RGMB: variants seen among roughly 807,000 people sequenced by gnomAD.
RGMB encodes the protein repulsive guidance molecule BMP co-receptor b.
A neutral mutation model predicts 26.9 loss-of-function variants in RGMB; 16 were observed. That is an observed-to-expected ratio of 0.60 (90% CI 0.40 to 0.90). The LOEUF is 0.90. Ranked by LOEUF, RGMB falls within the 40% of genes least tolerant of loss-of-function variation. The pLI is 0.00. For missense variants in RGMB, 512 were observed against 573.3 expected, an observed-to-expected ratio of 0.89 and a Z score of 1.09; for synonymous variants, 225 against 229.3, an observed-to-expected ratio of 0.98 and a Z score of 0.17.
chr5:98,779,299 G>T (rs552791103), intron 1 of RGMB, among the ~76,000 whole-genome samples: 1 of 152,272 alleles, frequency 6.6e-6, no homozygotes, highest in Admixed American at 6.5e-5. Flanking sequence ...CTATTCCCTT[G>T]TAATCTCAAC....
upstream of RGMB, chr5:98,770,330 G>A (rs997568562): frequency 6.0e-6 from 2 of 336,016 alleles, no homozygotes; most frequent in Admixed American, 9.6e-5. Flanking sequence ...GCTGGCTAAT[G>A]AGAGGTTAAT....
At chr5:98,785,369 C>T (rs1187688737) in intron 2 of RGMB, among the ~76,000 whole-genome samples, 1 of 152,136 alleles carries the variant, frequency 6.6e-6, no homozygotes, top group Non-Finnish European at 1.5e-5. Context: ...TTCACATTGA[C>T]AAGCTGGTTC....
intron 2 of RGMB, among the ~76,000 whole-genome samples, chr5:98,782,039 A>T (rs1375196329): frequency 6.6e-6 from 1 of 152,254 alleles, no homozygotes; most frequent in Non-Finnish European, 1.5e-5. Flanking sequence ...ATTCAAGTAG[A>T]TGATGAGAAT....
intron 2 of RGMB, among the ~76,000 whole-genome samples, chr5:98,789,620 G>A (rs968782379): frequency 6.6e-6 from 1 of 152,172 alleles, no homozygotes; most frequent in Non-Finnish European, 1.5e-5. Flanking sequence ...AATAAACCTT[G>A]TGGGTGGTGA....
At chr5:98,787,138 A>T (rs1276492429) in intron 2 of RGMB, among the ~76,000 whole-genome samples, 2 of 152,158 alleles carry the variant, frequency 1.3e-5, no homozygotes, top group South Asian at 2.1e-4. Context: ...AGACATAAAG[A>T]TATTGTTTTG....
In RGMB at chr5:98,774,152, C is replaced by A; in HGVS notation, c.82C>A (p.Pro28Thr). The A allele has an allele frequency of 6.7e-7, 1 of 1,498,056 alleles. No homozygotes were observed. Among genetic ancestry groups the A allele is most frequent in the South Asian group, 1.2e-5 (1 of 80,188 alleles). 92.8% of individuals were successfully genotyped at this position (1,498,056 alleles called of 1,614,324 possible). ...EQRRSPGLCP[P>T]PLELLLLLLF... ...GCGCCGCAGCCCCGGGCTCTGCCCC[C>A]CGCCGCTGGAGCTGCTGCTGCTGCT... Residue 28 changes from proline to threonine, a missense_variant, in exon 1 of 3, where the codon CCG becomes ACG. Coordinates refer to ENST00000513185, the MANE Select transcript of RGMB (RefSeq NM_001366508.1).
intron 2 of RGMB, among the ~76,000 whole-genome samples, chr5:98,789,261 G>A (rs1002761111): frequency 3.9e-5 from 6 of 152,176 alleles, no homozygotes; most frequent in Non-Finnish European, 7.3e-5. Context: ...CACTCACAGT[G>A]CCAAATGGCC....
At chr5:98,786,306 T>C (rs1746765531) in intron 2 of RGMB, among the ~76,000 whole-genome samples, 1 of 152,176 alleles carries the variant, frequency 6.6e-6, no homozygotes, top group Admixed American at 6.5e-5. Flanking sequence ...CAAGATTCCG[T>C]GAGGGTGCTA....
chr5:98,774,672 C>T (rs879911977), intron 1 of RGMB, among the ~76,000 whole-genome samples: 14 of 152,180 alleles, frequency 9.2e-5, no homozygotes, highest in Admixed American at 3.9e-4. Context: ...GGAAGTACAC[C>T]AGATGGAAAG....
chr5:98,776,311 A>T (rs533247320), intron 1 of RGMB, among the ~76,000 whole-genome samples: 1 of 152,376 alleles, frequency 6.6e-6, no homozygotes, highest in South Asian at 2.1e-4. Flanking sequence ...CAGAGTTTTA[A>T]TTCTGCCCTT....
intron 1 of RGMB, among the ~76,000 whole-genome samples, chr5:98,774,727 C>T (rs1472785586): frequency 1.3e-5 from 2 of 152,160 alleles, no homozygotes; most frequent in African/African-American, 2.4e-5. Context: ...CTCGAAGTAA[C>T]GTCAACTTTT....
chr5:98,773,150 C>G (rs1259338022), upstream of RGMB: 3 of 152,176 alleles, frequency 2.0e-5, no homozygotes, highest in East Asian at 3.9e-4. Context: ...GAAAGGGGAC[C>G]TGCCGCGCGG....
At chr5:98,776,607 A>G (rs1746410250) in intron 1 of RGMB, among the ~76,000 whole-genome samples, 1 of 152,180 alleles carries the variant, frequency 6.6e-6, no homozygotes, top group South Asian at 2.1e-4. Context: ...CAAATTAGTC[A>G]TTATATAGAA....
chr5:98,779,507 A>G (rs185477257), intron 1 of RGMB, 73 bp from the exon 2 acceptor site: 159 of 1,384,746 alleles, frequency 1.1e-4, no homozygotes, highest in African/African-American at 1.4e-5. Context: ...CCAAAGAACA[A>G]TGTGATTTTC....
chr5:98,770,242 G>A (rs561137486), upstream of RGMB: 2 of 167,446 alleles, frequency 1.2e-5, no homozygotes, highest in Non-Finnish European at 2.5e-5. Flanking sequence ...CAAGACCGGC[G>A]GCTGCGTTTG....
Position 98,793,260 on chromosome 5 carries a change from G to A in RGMB, c.821G>A (p.Arg274His), listed in dbSNP as rs373616601. The A allele has an allele frequency of 7.7e-5, 124 of 1,613,970 alleles. No homozygotes were observed. Among genetic ancestry groups the A allele is most frequent in the Middle Eastern group, 6.6e-4 (4 of 6,062 alleles). The stretch of plus-strand genomic sequence containing the variant: ...GGCCACTATGTGGAGATGCACGCCC[G>A]CTATATAGGGACCACAGTGTTTGTG... ...ESGHYVEMHA[R>H]YIGTTVFVRQ... The change falls in exon 3 of 3, where the codon CGC (arginine) becomes CAC (histidine). Residue 274 changes from arginine to histidine, a missense_variant. Coordinates refer to ENST00000513185, the MANE Select transcript of RGMB (RefSeq NM_001366508.1).
At chr5:98,790,761 C>G (rs946754680) in intron 2 of RGMB, among the ~76,000 whole-genome samples, 1 of 152,138 alleles carries the variant, frequency 6.6e-6, no homozygotes, top group African/African-American at 2.4e-5. Flanking sequence ...CAGATAATAT[C>G]AAGTTGGTTT....
At chr5:98,770,485 T>C, upstream of RGMB, 1 of 457,688 alleles carries the variant, frequency 2.2e-6, no homozygotes, top group Non-Finnish European at 3.8e-6. Flanking sequence ...CCGCAGGGAT[T>C]GCGGGGGCCC....
intron 2 of RGMB, among the ~76,000 whole-genome samples, chr5:98,781,873 C>T (rs1746619393): frequency 1.3e-5 from 2 of 152,156 alleles, no homozygotes; most frequent in Non-Finnish European, 2.9e-5. Flanking sequence ...ACAGTTTACA[C>T]TGAAGTATTT....
Sources: allele counts gnomAD v4.1 joint callset (sites outside exome capture counted in the v4.1 genomes callset), GRCh38; gene constraint gnomAD v4.1.1; transcripts MANE v1.5; gene names NCBI Gene and HGNC (gene_info 2026-07-23, HGNC 2026-07-21).